Variants in MID2 observed in about 807,000 individuals in gnomAD.
MID2 encodes the protein midline 2, also known as probable E3 ubiquitin-protein ligase MID2.
A neutral mutation model predicts 46.1 loss-of-function variants in MID2; 13 were observed. The observed-to-expected ratio is 0.28, with a 90% CI of 0.18 to 0.45. The LOEUF is 0.45. Among genes scored for constraint, MID2 ranks in the 20% least tolerant of loss-of-function variants. MID2 has a pLI of 1.00. For missense variants in MID2, 431 were observed against 575.4 expected (o/e 0.75, Z 2.57); for synonymous variants, 199 against 212.3 (o/e 0.94, Z 0.55).
intron 3 of MID2, among the ~76,000 whole-genome samples, chrX:107,878,132 AAAGG>A (rs1932240932): frequency 8.9e-6 from 1 of 111,750 alleles, no homozygotes; most frequent in Non-Finnish European, 1.9e-5. Context: ...CCAGAGGAGT[AAAGG>A]CTCTATGGGC....
chrX:107,877,315 A>G (rs139220006), intron 3 of MID2, among the ~76,000 whole-genome samples: 7 of 112,068 alleles, frequency 6.2e-5, no homozygotes, highest in Non-Finnish European at 1.1e-4. Flanking sequence ...CCTTTGTGCT[A>G]TGAGGCATTT....
intron 3 of MID2, among the ~76,000 whole-genome samples, chrX:107,903,410 T>C (rs1452794840): frequency 9.0e-6 from 1 of 110,885 alleles, no homozygotes; most frequent in Non-Finnish European, 1.9e-5. Context: ...ATTCAGATAC[T>C]GGACAGCCCA....
intron 3 of MID2, among the ~76,000 whole-genome samples, chrX:107,896,679 TA>T (rs1173687446): frequency 8.9e-6 from 1 of 112,640 alleles, no homozygotes; most frequent in East Asian, 2.8e-4. Flanking sequence ...ATACAGGTAC[TA>T]TTTTTTTTCA....
At chrX:107,844,844 C>T (rs1931425737) in intron 2 of MID2, among the ~76,000 whole-genome samples, 1 of 111,554 alleles carries the variant, frequency 9.0e-6, no homozygotes, top group Non-Finnish European at 1.9e-5. Context: ...TAATTCAAAC[C>T]CCATAAGACC....
chrX:107,928,782 C>A lies in MID2; in HGVS notation c.*1709C>A, dbSNP rs1933233426. On this transcript the variant is annotated 3_prime_UTR_variant, in exon 10 of 10. Transcript: ENST00000262843. ...CAATAACAGTTATGTATTGTTTGTT[C>A]ACTTAATGTGGAAGGCAAGACTGAT... is the stretch of plus-strand genomic sequence containing the variant. Among the ~76,000 whole-genome samples, 1 of 112,015 alleles carries A rather than the reference C, an allele frequency of 8.9e-6. No homozygotes were observed. The highest frequency in any genetic ancestry group is 1.9e-5 in the Non-Finnish European group (1 of 53,110).
intron 5 of MID2, among the ~76,000 whole-genome samples, chrX:107,911,867 G>A (rs1932899854): frequency 8.9e-6 from 1 of 111,931 alleles, no homozygotes; most frequent in African/African-American, 3.2e-5. Context: ...GCTTTTGATT[G>A]GAGGGGCAGC....
intron 7 of MID2, among the ~76,000 whole-genome samples, chrX:107,923,733 C>T (rs1413305877): frequency 9.0e-6 from 1 of 111,530 alleles, no homozygotes; most frequent in African/African-American, 3.3e-5. Flanking sequence ...GACAAAAGAA[C>T]ATTGTTGTTC....
At position 107,834,554 on chromosome X, in the gene MID2, G is replaced by A. The variant is rs144994570; in HGVS notation, c.5-6116G>A. Among the ~76,000 whole-genome samples the A allele has an allele frequency of 3.3e-3, 366 of 111,844 alleles. 7 individuals carry two copies. Among genetic ancestry groups the A allele is most frequent in the African/African-American group, 0.011 (343 of 30,771 alleles). ...TTTGCCATTGTTTAATTTTTGTCAT[G>A]CCACTTCCTCCTGCTAAAAGTATTT... On this transcript the variant is annotated intron_variant, in intron 1 of 9. Transcript: ENST00000262843.
intron 3 of MID2, among the ~76,000 whole-genome samples, chrX:107,892,769 T>A (rs1390581656): frequency 8.9e-6 from 1 of 111,888 alleles, no homozygotes; most frequent in Non-Finnish European, 1.9e-5. Flanking sequence ...CTTAAAAATA[T>A]CACATCCTTA....
At chrX:107,831,516 A>T (rs1438900249) in intron 1 of MID2, among the ~76,000 whole-genome samples, 1 of 112,093 alleles carries the variant, frequency 8.9e-6, no homozygotes, top group Non-Finnish European at 1.9e-5. Context: ...TACGATCCAG[A>T]TCCTTGATCA....
chrX:107,927,365 A>G lies in MID2; in HGVS notation c.*292A>G, dbSNP rs566965625. On this transcript the variant is annotated 3_prime_UTR_variant, in exon 10 of 10. Coordinates refer to ENST00000262843, the MANE Select transcript of MID2 (RefSeq NM_012216.4). ...AAAATTCCCAATGATTTAAGAATAT[A>G]AATTATATTGGAAGCAATTAGGGTA... Among the ~76,000 whole-genome samples the G allele has an allele frequency of 8.9e-6, 1 of 111,804 alleles. No homozygotes were observed. The highest frequency in any genetic ancestry group is 3.2e-5 in the African/African-American group (1 of 30,820).
intron 1 of MID2, among the ~76,000 whole-genome samples, chrX:107,829,116 G>A (rs184432578): frequency 1.8e-5 from 2 of 111,835 alleles, no homozygotes; most frequent in Non-Finnish European, 1.9e-5. Context: ...TGAGCTTAAG[G>A]GATCCACCTG....
Position 107,905,589 on chromosome X carries a change from G to C in MID2, c.1036G>C (p.Ala346Pro). 1 of 1,206,045 alleles carries C rather than the reference G, an allele frequency of 8.3e-7. No individual in the cohort carries two copies. The highest frequency in any genetic ancestry group is 1.1e-6 in the Non-Finnish European group (1 of 892,784). The change falls in exon 5 of 10, where the codon GCA becomes CCA. Residue 346 changes from alanine to proline, a missense_variant. Coordinates refer to ENST00000262843, the MANE Select transcript of MID2 (RefSeq NM_012216.4). ...AEHILKENDQ[A>P]RFLQSAKNIA... ...GCATATCCTGAAAGAAAATGACCAG[G>C]CACGGTTTCTACAGTCTGCAAAAAA...
rs765987286 is a variant in MID2 at position 107,929,133 on chromosome X, C to T, written c.*2060C>T. Reference sequence around the variant, plus strand: ...GCATATGTAAACTGTCTTAGCTCAGCGCTTGACATTTCCTAAGTGTGCCAT... The same window carrying T: ...GCATATGTAAACTGTCTTAGCTCAGTGCTTGACATTTCCTAAGTGTGCCAT... On this transcript the variant is annotated 3_prime_UTR_variant, in exon 10 of 10. Coordinates refer to ENST00000262843, the MANE Select transcript of MID2 (RefSeq NM_012216.4). Among the ~76,000 whole-genome samples the T allele has an allele frequency of 1.8e-5, 2 of 111,598 alleles. No individual in the cohort carries two copies. Among genetic ancestry groups the T allele is most frequent in the Non-Finnish European group, 1.9e-5 (1 of 53,004 alleles).
chrX:107,893,943 G>A (rs947242020), intron 3 of MID2, among the ~76,000 whole-genome samples: 3 of 112,684 alleles, frequency 2.7e-5, no homozygotes, highest in South Asian at 7.3e-4. Flanking sequence ...AATGGTGGAC[G>A]TCGCACCTGT....
intron 1 of MID2, among the ~76,000 whole-genome samples, chrX:107,834,856 C>T (rs762292311): frequency 1.8e-5 from 2 of 111,902 alleles, no homozygotes; most frequent in South Asian, 7.5e-4. Context: ...GATTGAATCT[C>T]TTCTTTAAAA....
intron 3 of MID2, among the ~76,000 whole-genome samples, chrX:107,888,518 A>ATT (rs1326896809): frequency 8.9e-6 from 1 of 111,770 alleles, no homozygotes; most frequent in East Asian, 2.8e-4. Flanking sequence ...GTTCTTTTAC[A>ATT]TTTGCTGAGA....
chrX:107,907,257 C>A (rs73533439), intron 5 of MID2, among the ~76,000 whole-genome samples: 1 of 112,190 alleles, frequency 8.9e-6, no homozygotes, highest in African/African-American at 3.2e-5. Flanking sequence ...ACCTGAAATC[C>A]TTCTGCATTG....
chrX:107,866,743 T>G (rs868485567), intron 3 of MID2, among the ~76,000 whole-genome samples: 1 of 112,170 alleles, frequency 8.9e-6, no homozygotes, highest in African/African-American at 3.2e-5. Flanking sequence ...TAAAATAATT[T>G]AAACTGTGTG....
Sources: allele counts gnomAD v4.1 joint callset (sites outside exome capture counted in the v4.1 genomes callset), GRCh38; gene constraint gnomAD v4.1.1; transcripts MANE v1.5; gene names NCBI Gene and HGNC (gene_info 2026-07-23, HGNC 2026-07-21).